PAIP2B: variants seen among roughly 807,000 people sequenced by gnomAD.
PAIP2B encodes the protein polyadenylate-binding protein-interacting protein 2B.
A neutral mutation model predicts 17.0 loss-of-function variants in PAIP2B; 13 were observed. That is an observed-to-expected ratio of 0.76 (90% confidence interval 0.50 to 1.22). The LOEUF is 1.22. Among genes scored for constraint, PAIP2B ranks in the 50% most tolerant of loss-of-function variants. PAIP2B has a pLI of 0.00. For synonymous variants in PAIP2B, 43 were observed against 48.7 expected, an observed-to-expected ratio of 0.88 and a Z score of 0.48; for missense variants, 117 against 144.5, an observed-to-expected ratio of 0.81 and a Z score of 0.98.
At chr2:71,208,772 A>G (rs1216653813) in intron 1 of PAIP2B, among the ~76,000 whole-genome samples, 1 of 152,200 alleles carries the variant, frequency 6.6e-6, no homozygotes, top group Non-Finnish European at 1.5e-5. Flanking sequence ...TTTAACACAC[A>G]CACAGAAGAG....
intron 2 of PAIP2B, 86 bp from the exon 3 acceptor site, chr2:71,190,107 A>T (rs773096109): frequency 5.6e-5 from 74 of 1,313,996 alleles, no homozygotes; most frequent in Non-Finnish European, 7.5e-5. Context: ...TTCCTTCAGA[A>T]GGTATTACTC....
intron 1 of PAIP2B, among the ~76,000 whole-genome samples, chr2:71,209,556 C>T (rs976208683): frequency 5.9e-5 from 9 of 152,072 alleles, no homozygotes; most frequent in African/African-American, 2.2e-4. Context: ...AGATTTTATC[C>T]ATTACAAAGC....
intron 1 of PAIP2B, among the ~76,000 whole-genome samples, chr2:71,226,171 A>C (rs1056976722): frequency 6.6e-6 from 1 of 152,210 alleles, no homozygotes; most frequent in Non-Finnish European, 1.5e-5. Context: ...TTGAAGGCAA[A>C]AACAGTCTAC....
At chr2:71,215,150 A>G (rs1675395167) in intron 1 of PAIP2B, among the ~76,000 whole-genome samples, 1 of 152,186 alleles carries the variant, frequency 6.6e-6, no homozygotes, top group Non-Finnish European at 1.5e-5. Context: ...GCTGGTGAAA[A>G]TTCACCTGGG....
intron 1 of PAIP2B, among the ~76,000 whole-genome samples, chr2:71,211,095 A>C (rs1675283657): frequency 6.6e-6 from 1 of 152,100 alleles, no homozygotes; most frequent in South Asian, 2.1e-4. Context: ...AAAAATACAA[A>C]AATTAGCTGG....
chr2:71,220,621 C>G (rs985847647), intron 1 of PAIP2B, among the ~76,000 whole-genome samples: 4 of 152,148 alleles, frequency 2.6e-5, no homozygotes, highest in Non-Finnish European at 5.9e-5. Context: ...GTATAGTGCT[C>G]CAGAGTGCTC....
At chr2:71,225,048 G>A (rs1487197300) in intron 1 of PAIP2B, among the ~76,000 whole-genome samples, 1 of 152,158 alleles carries the variant, frequency 6.6e-6, no homozygotes, top group Non-Finnish European at 1.5e-5. Flanking sequence ...TCTTTTTAGT[G>A]TAATTGATTG....
At chr2:71,211,154 T>C (rs1298714831) in intron 1 of PAIP2B, among the ~76,000 whole-genome samples, 1 of 150,998 alleles carries the variant, frequency 6.6e-6, no homozygotes, top group African/African-American at 2.4e-5. Context: ...AGGTAGGGGG[T>C]GAAGCGAGGC....
intron 1 of PAIP2B, among the ~76,000 whole-genome samples, chr2:71,209,564 A>C (rs1675233947): frequency 6.6e-6 from 1 of 152,202 alleles, no homozygotes; most frequent in Non-Finnish European, 1.5e-5. Flanking sequence ...TCCATTACAA[A>C]GCCACATGAA....
At position 71,188,240 on chromosome 2, in the gene PAIP2B, TA is replaced by T; in HGVS notation, c.*238del. On this transcript the variant is annotated 3_prime_UTR_variant, in exon 4 of 4. Transcript: ENST00000244221. ...ATTTCCTTAACTCGAAAGAGCTATT[TA>T]AAAAAACAAAACAGGAAACTCCCCA... 1 of 517,606 alleles carries T rather than the reference TA, an allele frequency of 1.9e-6. No homozygotes were observed. Among genetic ancestry groups the T allele is most frequent in the South Asian group, 3.0e-5 (1 of 33,546 alleles). 32.1% of individuals were successfully genotyped at this position (517,606 alleles called of 1,614,324 possible). A position where few individuals can be genotyped will look rare whatever the true frequency, so the allele number is the denominator to read the frequency against.
intron 2 of PAIP2B, among the ~76,000 whole-genome samples, chr2:71,193,233 ATGTCTTCCTTTTGAGAGG>A (rs1339422750): frequency 1.3e-5 from 2 of 152,096 alleles, no homozygotes; most frequent in East Asian, 3.9e-4. Flanking sequence ...GGCCGTATGT[ATGTCTTCCTTTTGAGAGG>A]TGTCTGTTCA....
chr2:71,187,515 A>G lies in PAIP2B; in HGVS notation c.*964T>C, dbSNP rs3187463. The G allele has an allele frequency of 0.16, 23,657 of 152,120 alleles. 2,282 individuals carry two copies. The highest frequency in any genetic ancestry group is 0.3 in the South Asian group (1,441 of 4,826). The allele number at this position is 152,120 out of a possible 1,614,324, so 9.4% of individuals were successfully genotyped here. On this transcript the variant is annotated 3_prime_UTR_variant, in exon 4 of 4. Coordinates refer to ENST00000244221, the MANE Select transcript of PAIP2B (RefSeq NM_020459.1). ...AAAAGTGCATAAACTTGTCTGAGGG[A>G]ATTAAGACACCAGGAAGACCAAGTG... is the stretch of plus-strand genomic sequence containing the variant.
chr2:71,198,855 T>A (rs1674900305), intron 2 of PAIP2B, among the ~76,000 whole-genome samples: 1 of 152,262 alleles, frequency 6.6e-6, no homozygotes, highest in Non-Finnish European at 1.5e-5. Flanking sequence ...AGGTTCTTTT[T>A]TTATACTGCC....
At chr2:71,200,752 CACAA>C (rs1222144060) in intron 2 of PAIP2B, among the ~76,000 whole-genome samples, 2 of 152,010 alleles carry the variant, frequency 1.3e-5, no homozygotes, top group Non-Finnish European at 2.9e-5. Flanking sequence ...ACTCCACCTC[CACAA>C]ACAAACAAAC....
intron 1 of PAIP2B, among the ~76,000 whole-genome samples, chr2:71,207,253 A>G (rs1675154401): frequency 6.6e-6 from 1 of 152,220 alleles, no homozygotes; most frequent in Non-Finnish European, 1.5e-5. Flanking sequence ...AAACATTTTC[A>G]TTGATACCTA....
chr2:71,214,950 G>A (rs905054102), intron 1 of PAIP2B, among the ~76,000 whole-genome samples: 1 of 152,006 alleles, frequency 6.6e-6, no homozygotes, highest in Non-Finnish European at 1.5e-5. Flanking sequence ...GGACAATATA[G>A]GATTCCAAAT....
chr2:71,213,017 G>A (rs1412899971), intron 1 of PAIP2B, among the ~76,000 whole-genome samples: 1 of 151,990 alleles, frequency 6.6e-6, no homozygotes, highest in African/African-American at 2.4e-5. Flanking sequence ...CTCCCAAAGT[G>A]CCAGATTACA....
chr2:71,189,015 T>C (rs1674614541), intron 3 of PAIP2B, among the ~76,000 whole-genome samples: 1 of 150,488 alleles, frequency 6.6e-6, no homozygotes, highest in Admixed American at 6.6e-5. Flanking sequence ...TTTTTTTTTT[T>C]TTTTTTTTTT....
intron 1 of PAIP2B, among the ~76,000 whole-genome samples, chr2:71,214,458 A>C (rs972594719): frequency 1.4e-4 from 21 of 152,246 alleles, no homozygotes; most frequent in Admixed American, 5.9e-4. Flanking sequence ...CCTACCATGA[A>C]CATATGAAGC....
Sources: allele counts gnomAD v4.1 joint callset (sites outside exome capture counted in the v4.1 genomes callset), GRCh38; gene constraint gnomAD v4.1.1; transcripts MANE v1.5; gene names NCBI Gene and HGNC (gene_info 2026-07-23, HGNC 2026-07-21).